Variants in VPS13A observed in about 807,000 individuals in gnomAD.
VPS13A encodes the protein intermembrane lipid transfer protein VPS13A.
Under a neutral mutation model 390.9 loss-of-function variants are expected in VPS13A, and 264 were observed. The ratio of observed to expected loss-of-function variants is 0.68; its 90% CI spans 0.61 to 0.75. The LOEUF is 0.75. Ranked by LOEUF, VPS13A falls within the 30% of genes least tolerant of loss-of-function variation. The probability of loss-of-function intolerance (pLI) is 0.00; values close to 1 mark genes in which losing one functional copy is unlikely to be tolerated. For synonymous variants in VPS13A, 1,231 were observed against 1,227.1 expected, an observed-to-expected ratio of 1.00 and a Z score of -0.07; for missense variants, 3,409 against 3,733.9, an observed-to-expected ratio of 0.91 and a Z score of 2.27.
intron 20 of VPS13A, among the ~76,000 whole-genome samples, chr9:77,247,826 A>C (rs58674255): frequency 0.2 from 30,881 of 151,904 alleles, 3,326 homozygotes; most frequent in Middle Eastern, 0.26. Flanking sequence ...ACGCCCACCT[A>C]ATTTTTGTAT....
In VPS13A at chr9:77,339,677, T is replaced by A; in HGVS notation, c.6540T>A (p.Phe2180Leu). Residue 2180 changes from phenylalanine to leucine, a missense_variant, in exon 48 of 72, where the codon TTT (phenylalanine) becomes TTA (leucine). Physicochemically the swap from Phe to Leu is conservative, Grantham distance 22. Transcript: ENST00000360280. ...HIKPNQQDIS[F>L]VSFTCVTEME... ...AGCCTAATCAGCAAGACATTAGTTT[T>A]GTCAGTTTTACTTGTGTTACAGAAA... The A allele has an allele frequency of 6.2e-7, 1 of 1,614,058 alleles. No individual in the cohort carries two copies. Among genetic ancestry groups the A allele is most frequent in the Non-Finnish European group, 8.5e-7 (1 of 1,179,958 alleles).
intron 31 of VPS13A, among the ~76,000 whole-genome samples, chr9:77,288,269 TTC>T (rs1264845215): frequency 2.0e-5 from 3 of 152,174 alleles, no homozygotes; most frequent in South Asian, 4.1e-4. Flanking sequence ...CAATTGAATG[TTC>T]TCTGTTTTTA....
In VPS13A at chr9:77,237,942, T is replaced by C. The variant is rs117271913; in HGVS notation, c.1596-60T>C. 5.4e-5 allele frequency: 73 copies of C among 1,340,564 alleles called. 3 individuals carry two copies. The East Asian group carries it at 1.5e-3, about 28-fold the overall frequency. The allele number at this position is 1,340,564 out of a possible 1,614,324, so 83.0% of individuals were successfully genotyped here. Reference sequence around the variant, plus strand: ...CATTAATTTTTTAAATCATTTTCAATTTTTAAAATCCTTCACAATTTTACT... The same window carrying C: ...CATTAATTTTTTAAATCATTTTCAACTTTTAAAATCCTTCACAATTTTACT... On this transcript the variant is annotated intron_variant, in intron 17 of 71. Coordinates refer to ENST00000360280, the MANE Select transcript of VPS13A (RefSeq NM_033305.3).
intron 1 of VPS13A, among the ~76,000 whole-genome samples, chr9:77,182,236 G>A (rs1824065420): frequency 6.6e-6 from 1 of 152,100 alleles, no homozygotes; most frequent in Non-Finnish European, 1.5e-5. Context: ...TGGGATTAAA[G>A]GTGCCCACCA....
intron 71 of VPS13A, 83 bp from the exon 72 acceptor site, chr9:77,415,873 A>ACTT: frequency 4.6e-6 from 7 of 1,530,402 alleles, no homozygotes; most frequent in Non-Finnish European, 6.3e-6. Flanking sequence ...TATAAAGCTA[A>ACTT]CTTCTAGATC....
At chr9:77,345,922 G>A (rs929357893) in intron 52 of VPS13A, among the ~76,000 whole-genome samples, 1 of 152,038 alleles carries the variant, frequency 6.6e-6, no homozygotes, top group Non-Finnish European at 1.5e-5. Context: ...TTAAGAAAGA[G>A]GGATGCCTGT....
At chr9:77,297,007 T>C (rs1587518756) in intron 33 of VPS13A, among the ~76,000 whole-genome samples, 1 of 152,174 alleles carries the variant, frequency 6.6e-6, no homozygotes, top group African/African-American at 2.4e-5. Flanking sequence ...CTGATATTTA[T>C]AATTTCTGCC....
At chr9:77,288,108 T>A (rs1827439771) in intron 31 of VPS13A, among the ~76,000 whole-genome samples, 1 of 152,166 alleles carries the variant, frequency 6.6e-6, no homozygotes, top group Non-Finnish European at 1.5e-5. Flanking sequence ...GTTTCCAAAG[T>A]ATCAAATAAA....
At position 77,315,249 on chromosome 9, in the gene VPS13A, C is replaced by T. The variant is rs777984395; in HGVS notation, c.4413-4C>T. The T allele has an allele frequency of 3.3e-5, 53 of 1,613,140 alleles. 1 individual carries two copies. In the South Asian group the frequency reaches 5.4e-4, roughly 16 times the overall value. On this transcript the variant is annotated splice_region_variant and splice_polypyrimidine_tract_variant and intron_variant, in intron 37 of 71. Transcript: ENST00000360280. ...ATAGGAATTGTTGTTATTGTGTTTT[C>T]CAGAATGATAGGACTGACAGTTGGT... is the stretch of plus-strand genomic sequence containing the variant.
At position 77,351,378 on chromosome 9, in the gene VPS13A, G is replaced by C. The variant is rs1419147390; in HGVS notation, c.7351G>C (p.Asp2451His). 8 of 1,613,918 alleles carry C rather than the reference G, an allele frequency of 5.0e-6. No homozygotes were observed. The highest frequency in any genetic ancestry group is 1.7e-5 in the Admixed American group (1 of 60,002). Residue 2451 changes from aspartate (D) to histidine (H), a missense_variant, in exon 53 of 72, where the codon GAT (aspartate) becomes CAT (histidine). Asp to His is a moderately conservative substitution (Grantham distance 81). Around this residue, in one of 5 missense-constraint regions of VPS13A, gnomAD observed 2,717 missense variants for 2,917.4 expected, o/e 0.93. Transcript: ENST00000360280. ...PGKAVFYTWADPVGSRRLKWR... is the reference protein window; with the variant it reads ...PGKAVFYTWAHPVGSRRLKWR... ...TAAAGCCGTGTTTTATACATGGGCT[G>C]ATCCGGTGGGCTCTAGAAGGCTGAA...
chr9:77,386,526 A>G (rs1320047453), intron 68 of VPS13A, among the ~76,000 whole-genome samples: 1 of 151,930 alleles, frequency 6.6e-6, no homozygotes, highest in Non-Finnish European at 1.5e-5. Context: ...TTATCTTAGC[A>G]GTGATTTACC....
At chr9:77,384,809 AC>A in intron 68 of VPS13A, 1 of 1,485,372 alleles carries the variant, frequency 6.7e-7, no homozygotes, top group East Asian at 2.5e-5. Context: ...GTTTTCCTAC[AC>A]ATTTTCATAA....
chr9:77,301,391 T>G (rs1828342950), intron 33 of VPS13A, among the ~76,000 whole-genome samples: 1 of 152,228 alleles, frequency 6.6e-6, no homozygotes, highest in Non-Finnish European at 1.5e-5. Context: ...ATGGGGCTTT[T>G]AGATTCCTTA....
In VPS13A at chr9:77,359,524, G is replaced by A. The variant is rs1023262129; in HGVS notation, c.8105+122G>A. The A allele has an allele frequency of 5.5e-5, 53 of 966,120 alleles. 1 individual carries two copies. The Admixed American group carries it at 6.5e-4, about 12-fold the overall frequency. 59.8% of individuals were successfully genotyped at this position (966,120 alleles called of 1,614,324 possible). ...TAAGCATAAAATATTAATTATAAAC[G>A]TCAAATAAAAAAATATAATGTTGTG... On this transcript the variant is annotated intron_variant, in intron 58 of 71. Transcript: ENST00000360280.
At chr9:77,267,823 C>A (rs1343642425) in intron 23 of VPS13A, among the ~76,000 whole-genome samples, 1 of 152,234 alleles carries the variant, frequency 6.6e-6, no homozygotes, top group Admixed American at 6.5e-5. Context: ...TATCTATAAG[C>A]CCCTGACTGG....
At chr9:77,216,497 G>A (rs1822874140) in intron 10 of VPS13A, among the ~76,000 whole-genome samples, 1 of 152,166 alleles carries the variant, frequency 6.6e-6, no homozygotes, top group African/African-American at 2.4e-5. Context: ...GTACGCAAGT[G>A]AAGAGCTTTG....
In VPS13A at chr9:77,283,465, A is replaced by G; in HGVS notation, c.3229A>G (p.Ile1077Val). Residue 1077 changes from isoleucine (I) to valine (V), a missense_variant, in exon 30 of 72, where the codon ATT becomes GTT. Physicochemically the swap from Ile to Val is conservative, Grantham distance 29. Coordinates refer to ENST00000360280, the MANE Select transcript of VPS13A (RefSeq NM_033305.3). ...GAAATGTAACATTTCTGAAATTAAG[A>G]TTGAAGGTAATAAAATTTCACAAAA... ...DQKCNISEIK[I>V]EGLDSEMIMR... 6.3e-7 allele frequency: 1 copy of G among 1,599,954 alleles called. No individual in the cohort carries two copies. Among genetic ancestry groups the G allele is most frequent in the Non-Finnish European group, 8.6e-7 (1 of 1,167,606 alleles).
intron 1 of VPS13A, among the ~76,000 whole-genome samples, chr9:77,195,337 G>A (rs1241263628): frequency 6.6e-6 from 1 of 152,140 alleles, no homozygotes; most frequent in Non-Finnish European, 1.5e-5. Flanking sequence ...TGTTAGCCAG[G>A]ATGGTCTCCA....
In VPS13A at chr9:77,421,379, C is replaced by G. The variant is rs1160799079; in HGVS notation, c.*5373C>G. The G allele has an allele frequency of 6.6e-6, 1 of 152,148 alleles. No homozygotes were observed. The highest frequency in any genetic ancestry group is 1.5e-5 in the Non-Finnish European group (1 of 68,024). 9.4% of individuals were successfully genotyped at this position (152,148 alleles called of 1,614,324 possible). On this transcript the variant is annotated 3_prime_UTR_variant, in exon 72 of 72. Coordinates refer to ENST00000360280, the MANE Select transcript of VPS13A (RefSeq NM_033305.3). ...TCTTCCTTTTGAAACTAATCTTATTCTTTTATTCCTCTCTCTAAAAATTGG... is the reference window on the plus strand; with the variant it reads ...TCTTCCTTTTGAAACTAATCTTATTGTTTTATTCCTCTCTCTAAAAATTGG...
Sources: allele counts gnomAD v4.1 joint callset (sites outside exome capture counted in the v4.1 genomes callset), GRCh38; gene constraint gnomAD v4.1.1; regional missense constraint gnomAD v4.1.1; transcripts MANE v1.5; gene names NCBI Gene and HGNC (gene_info 2026-07-23, HGNC 2026-07-21).